PCDH15: variants seen among roughly 807,000 people sequenced by gnomAD.
PCDH15 encodes the protein protocadherin related 15, also known as protocadherin-15.
In PCDH15, 129 loss-of-function variants were observed where a neutral mutation model predicts 178.5. The ratio of observed to expected loss-of-function variants is 0.72; its 90% CI spans 0.63 to 0.84. The LOEUF is 0.84. Ranked by LOEUF, PCDH15 falls within the 40% of genes least tolerant of loss-of-function variation. The pLI, the probability that PCDH15 is intolerant of heterozygous loss-of-function variation, is 0.00. For missense variants in PCDH15, 2,230 were observed against 2,099.9 expected (o/e 1.06, Z -1.21); for synonymous variants, 800 against 732.0 (o/e 1.09, Z -1.50).
At chr10:55,612,596 G>C (rs1196582274) in intron 2 of PCDH15, among the ~76,000 whole-genome samples, 1 of 151,864 alleles carries the variant, frequency 6.6e-6, no homozygotes, top group Non-Finnish European at 1.5e-5. Context: ...CAAAATATAG[G>C]GTTTTATTTA....
intron 1 of PCDH15, among the ~76,000 whole-genome samples, chr10:55,297,037 C>T (rs1053132533): frequency 4.6e-5 from 7 of 152,110 alleles, no homozygotes; most frequent in African/African-American, 1.2e-4. Context: ...ATAGCTACTA[C>T]AAACCAGGTA....
At position 54,033,232 on chromosome 10, in the gene PCDH15, A is replaced by G. The variant is rs2093341642; in HGVS notation, c.2221-10035T>C. Among the ~76,000 whole-genome samples, 3 of 151,994 alleles carry G rather than the reference A, an allele frequency of 2.0e-5. No homozygotes were observed. In the South Asian group the frequency reaches 6.2e-4, roughly 31 times the overall value. ...AGTTTAACTTTTAACAGTCTATTCT[A>G]GCATTGCTTAACCTTTTTCATTATC... On this transcript the variant is annotated intron_variant, in intron 18 of 37. Coordinates refer to ENST00000644397, the MANE Select transcript of PCDH15 (RefSeq NM_001384140.1).
At chr10:55,476,559 C>G (rs1357886947) in intron 2 of PCDH15, among the ~76,000 whole-genome samples, 1 of 151,686 alleles carries the variant, frequency 6.6e-6, no homozygotes, top group Non-Finnish European at 1.5e-5. Flanking sequence ...ATAATCTACC[C>G]AAAGAAAGAG....
chr10:55,070,239 T>C (rs1841695060), intron 2 of PCDH15, among the ~76,000 whole-genome samples: 2 of 152,204 alleles, frequency 1.3e-5, no homozygotes. Flanking sequence ...ACCTGTTCAC[T>C]CTGATGGTAG....
At chr10:55,370,639 GCTT>G (rs1010471289) in intron 2 of PCDH15, among the ~76,000 whole-genome samples, 2 of 152,002 alleles carry the variant, frequency 1.3e-5, no homozygotes, top group African/African-American at 4.8e-5. Context: ...CTTACAAATT[GCTT>G]CTTGTTTTAT....
chr10:55,080,646 T>G (rs1318698018), intron 2 of PCDH15, among the ~76,000 whole-genome samples: 1 of 152,100 alleles, frequency 6.6e-6, no homozygotes, highest in East Asian at 1.9e-4. Context: ...CACACAGGCA[T>G]AAGCATGGAG....
rs1037677239 is a variant in PCDH15, at chr10:55,293,305, C to T, written c.-156+26294G>A. Reference sequence around the variant, plus strand: ...AGATGCTGGGCCTGGCTTACAAAACCATTTTGTCCTCTTAGGCCTCAGGGC... The same window carrying T: ...AGATGCTGGGCCTGGCTTACAAAACTATTTTGTCCTCTTAGGCCTCAGGGC... On this transcript the variant is annotated intron_variant, in intron 1 of 5. Transcript: ENST00000458638. Among the ~76,000 whole-genome samples, 15 of 152,158 alleles carry T rather than the reference C, an allele frequency of 9.9e-5. 1 individual carries two copies. The highest frequency in any genetic ancestry group is 3.6e-4 in the African/African-American group (15 of 41,430).
intron 5 of PCDH15, among the ~76,000 whole-genome samples, chr10:54,356,821 T>A (rs886283965): frequency 6.6e-6 from 1 of 152,154 alleles, no homozygotes; most frequent in Non-Finnish European, 1.5e-5. Context: ...CATGATCAAG[T>A]GGGATTCATC....
At chr10:54,773,769 A>G (rs55928152) in intron 1 of PCDH15, among the ~76,000 whole-genome samples, 33,194 of 151,958 alleles carry the variant, frequency 0.22, 4,160 homozygotes, top group East Asian at 0.49. Context: ...ATTTTTTTCT[A>G]GCTGTTTTTA....
chr10:54,850,774 T>C (rs1301553942), intron 3 of PCDH15, among the ~76,000 whole-genome samples: 3 of 152,164 alleles, frequency 2.0e-5, no homozygotes, highest in Non-Finnish European at 4.4e-5. Flanking sequence ...CTTGAGAGTT[T>C]GCCAAATTAT....
intron 14 of PCDH15, among the ~76,000 whole-genome samples, chr10:54,144,932 T>G (rs1186886668): frequency 6.6e-6 from 1 of 152,142 alleles, no homozygotes; most frequent in Non-Finnish European, 1.5e-5. Flanking sequence ...AACAAATATG[T>G]AAAATAAACT....
intron 2 of PCDH15, among the ~76,000 whole-genome samples, chr10:55,465,050 G>A (rs1839803519): frequency 6.6e-6 from 1 of 152,008 alleles, no homozygotes; most frequent in Admixed American, 6.6e-5. Context: ...ATGGCAAACT[G>A]ACTTTTAAAC....
At chr10:55,590,946 C>T (rs1419281695) in intron 2 of PCDH15, among the ~76,000 whole-genome samples, 1 of 152,044 alleles carries the variant, frequency 6.6e-6, no homozygotes, top group African/African-American at 2.4e-5. Flanking sequence ...AAAACGTGTT[C>T]TTAATGCTCA....
intron 13 of PCDH15, among the ~76,000 whole-genome samples, chr10:54,157,111 A>G (rs1367004029): frequency 2.2e-4 from 34 of 152,108 alleles, no homozygotes; most frequent in Admixed American, 2.2e-3. Context: ...CTGTAGGTGG[A>G]TCTACCATTC....
intron 1 of PCDH15, among the ~76,000 whole-genome samples, chr10:55,174,369 T>A (rs7092799): frequency 2.9e-4 from 44 of 152,004 alleles, no homozygotes; most frequent in South Asian, 1.2e-3. Context: ...TGAGAACTTC[T>A]ATCCTCATCT....
At chr10:55,040,409 G>A (rs780836577) in intron 2 of PCDH15, among the ~76,000 whole-genome samples, 2 of 151,866 alleles carry the variant, frequency 1.3e-5, no homozygotes, top group African/African-American at 2.4e-5. Flanking sequence ...ACATTTACAT[G>A]TCTAAGGGGC....
At chr10:54,381,504 C>A (rs906153504) in intron 3 of PCDH15, among the ~76,000 whole-genome samples, 1 of 152,046 alleles carries the variant, frequency 6.6e-6, no homozygotes, top group African/African-American at 2.4e-5. Context: ...TAATGTGTTT[C>A]ATTTGATGTT....
chr10:54,409,690 G>A (rs1478767381), intron 3 of PCDH15, among the ~76,000 whole-genome samples: 1 of 152,068 alleles, frequency 6.6e-6, no homozygotes, highest in Admixed American at 6.6e-5. Flanking sequence ...CAAATTTTGT[G>A]TATTGGAAAC....
chr10:54,800,047 G>A (rs1952496662), intron 1 of PCDH15, among the ~76,000 whole-genome samples: 1 of 152,054 alleles, frequency 6.6e-6, no homozygotes, highest in African/African-American at 2.4e-5. Flanking sequence ...AAGCAAATGA[G>A]TATGACTTGG....
Sources: allele counts gnomAD v4.1 joint callset (sites outside exome capture counted in the v4.1 genomes callset), GRCh38; gene constraint gnomAD v4.1.1; transcripts MANE v1.5; gene names NCBI Gene and HGNC (gene_info 2026-07-23, HGNC 2026-07-21).